Variants in RAPGEF5 observed in about 807,000 individuals in gnomAD.
RAPGEF5 encodes the protein Rap guanine nucleotide exchange factor 5.
A neutral mutation model predicts 125.2 loss-of-function variants in RAPGEF5; 65 were observed. The observed-to-expected ratio is 0.52, with a 90% CI of 0.43 to 0.64. The LOEUF is 0.64. RAPGEF5 is among the 30% of genes least tolerant of loss of function. The pLI, the probability that RAPGEF5 is intolerant of heterozygous loss-of-function variation, is 0.00. For missense variants in RAPGEF5, 958 were observed against 1,048.1 expected, an observed-to-expected ratio of 0.91 and a Z score of 1.19; for synonymous variants, 391 against 385.9, an observed-to-expected ratio of 1.01 and a Z score of -0.16.
chr7:22,288,743 C>T (rs1006536215), intron 6 of RAPGEF5, among the ~76,000 whole-genome samples: 1 of 152,088 alleles, frequency 6.6e-6, no homozygotes, highest in African/African-American at 2.4e-5. Flanking sequence ...AGGATGGTCT[C>T]AATCTTAAAA....
chr7:22,170,402 G>C (rs1212932905), intron 11 of RAPGEF5, among the ~76,000 whole-genome samples: 1 of 152,214 alleles, frequency 6.6e-6, no homozygotes, highest in Non-Finnish European at 1.5e-5. Context: ...GGCTCTTGTA[G>C]ATAGGAGCCA....
chr7:22,331,854 T>C (rs1207840351), intron 1 of RAPGEF5, among the ~76,000 whole-genome samples: 3 of 152,144 alleles, frequency 2.0e-5, no homozygotes, highest in Non-Finnish European at 2.9e-5. Flanking sequence ...GTAAGCAGGT[T>C]ACCAGTGATT....
chr7:22,209,833 A>C (rs1026107942), intron 9 of RAPGEF5, among the ~76,000 whole-genome samples: 29 of 152,210 alleles, frequency 1.9e-4, no homozygotes, highest in African/African-American at 6.8e-4. Flanking sequence ...CTGAATTAAG[A>C]AGTTCTCTAA....
chr7:22,167,900 T>C (rs77348984), intron 11 of RAPGEF5, among the ~76,000 whole-genome samples: 4,624 of 152,310 alleles, frequency 0.03, 89 homozygotes, highest in Middle Eastern at 0.068. Context: ...AAACTCTGAC[T>C]TTCAATGTAA....
At chr7:22,250,013 C>T (rs1265488439) in intron 7 of RAPGEF5, among the ~76,000 whole-genome samples, 1 of 152,178 alleles carries the variant, frequency 6.6e-6, no homozygotes, top group Non-Finnish European at 1.5e-5. Flanking sequence ...CAAGGGGGGA[C>T]TTTGATGCGG....
In RAPGEF5 at chr7:22,239,074, T is replaced by C. The variant is rs1168397555; in HGVS notation, c.797-8155A>G. On this transcript the variant is annotated intron_variant, in intron 7 of 25. Transcript: ENST00000665637. The stretch of plus-strand genomic sequence containing the variant: ...AGGAATCTGATGTTTAAAGAAGTGA[T>C]GTTTGATGAGTCAGTGAGGGATGGG... Among the ~76,000 whole-genome samples, 4 of 152,178 alleles carry C rather than the reference T, an allele frequency of 2.6e-5. No individual in the cohort carries two copies. The East Asian group carries it at 7.7e-4, about 29-fold the overall frequency.
chr7:22,355,102 T>G (rs1784397285), intron 1 of RAPGEF5, among the ~76,000 whole-genome samples: 1 of 152,122 alleles, frequency 6.6e-6, no homozygotes, highest in African/African-American at 2.4e-5. Context: ...CAAACTTCCT[T>G]CAATAAAAAC....
chr7:22,162,561 A>C lies in RAPGEF5; in HGVS notation c.1284-20T>G. 1 of 1,589,400 alleles carries C rather than the reference A, an allele frequency of 6.3e-7. No homozygotes were observed. On this transcript the variant is annotated intron_variant, in intron 12 of 25. Transcript: ENST00000665637. The stretch of plus-strand genomic sequence containing the variant: ...GAATAGGTGCAAATGGTTAAGAAAA[A>C]ATTATATTGTTGAAAATTTTAAAAT...
intron 20 of RAPGEF5, among the ~76,000 whole-genome samples, chr7:22,142,494 CTT>C (rs1783295203): frequency 6.6e-6 from 1 of 151,994 alleles, no homozygotes; most frequent in African/African-American, 2.4e-5. Flanking sequence ...ATATAGCTTT[CTT>C]TTTTAGTCAT....
At chr7:22,307,676 A>T (rs1392973553) in intron 5 of RAPGEF5, among the ~76,000 whole-genome samples, 3 of 152,168 alleles carry the variant, frequency 2.0e-5, no homozygotes, top group African/African-American at 7.2e-5. Flanking sequence ...CGCTAATATC[A>T]TAGAAGTGAA....
At chr7:22,275,875 G>T (rs1246133470) in intron 6 of RAPGEF5, among the ~76,000 whole-genome samples, 1 of 152,084 alleles carries the variant, frequency 6.6e-6, no homozygotes, top group African/African-American at 2.4e-5. Flanking sequence ...TTCCTGTCGT[G>T]GAAATCTCAT....
intron 7 of RAPGEF5, among the ~76,000 whole-genome samples, chr7:22,262,197 C>T (rs1001380397): frequency 6.6e-6 from 1 of 151,892 alleles, no homozygotes; most frequent in African/African-American, 2.4e-5. Flanking sequence ...ATAAAGAACT[C>T]TCAAAACTCA....
intron 1 of RAPGEF5, among the ~76,000 whole-genome samples, chr7:22,334,832 T>C (rs915727014): frequency 9.2e-5 from 14 of 152,322 alleles, no homozygotes; most frequent in Non-Finnish European, 1.8e-4. Context: ...GCTTTTACAT[T>C]TGTAATCTCT....
In RAPGEF5 at chr7:22,122,071, T is replaced by C. The variant is rs1782595992; in HGVS notation, c.*335A>G. 8.3e-6 allele frequency: 2 copies of C among 241,778 alleles called. No homozygotes were observed. The highest frequency in any genetic ancestry group is 8.3e-6 in the Non-Finnish European group (1 of 120,772). 15.0% of individuals were successfully genotyped at this position (241,778 alleles called of 1,614,324 possible). ...TAATGAAATATTTGGTCATTGCATG[T>C]CAAGACGTTGTCTTGTCTTGATGCT... On this transcript the variant is annotated 3_prime_UTR_variant, in exon 26 of 26. Transcript: ENST00000665637.
Position 22,219,949 on chromosome 7 carries a change from G to C in RAPGEF5, c.913C>G (p.Arg305Gly). 3.7e-6 allele frequency: 6 copies of C among 1,613,334 alleles called. No individual in the cohort carries two copies. Among genetic ancestry groups the C allele is most frequent in the Non-Finnish European group, 5.1e-6 (6 of 1,179,580 alleles). Residue 305 changes from arginine (R) to glycine (G), a missense_variant, in exon 9 of 26, where the codon CGA (arginine) becomes GGA (glycine). Physicochemically the swap from Arg to Gly is moderately radical, Grantham distance 125 (BLOSUM62 -2). Transcript: ENST00000665637. ...CKLQERDEIG[R>G]IELVQKLAKE... is the part of the protein sequence containing the mutation. ...GCCAGCTTCTGGACTAGTTCAATTC[G>C]TCCGATTTCATCTCTTTCCTGGAGC...
At chr7:22,296,538 G>A (rs1562514623) in intron 5 of RAPGEF5, among the ~76,000 whole-genome samples, 1 of 152,122 alleles carries the variant, frequency 6.6e-6, no homozygotes, top group Non-Finnish European at 1.5e-5. Context: ...TTGGTACCTG[G>A]AGCTGGGGTG....
chr7:22,351,533 T>C (rs1784329761), intron 1 of RAPGEF5, among the ~76,000 whole-genome samples: 2 of 152,342 alleles, frequency 1.3e-5, no homozygotes, highest in East Asian at 1.9e-4. Flanking sequence ...GCACACACTC[T>C]GTAACCTCGG....
At chr7:22,316,976 T>TAA (rs769310401) in intron 2 of RAPGEF5, among the ~76,000 whole-genome samples, 14 of 125,488 alleles carry the variant, frequency 1.1e-4, no homozygotes, top group African/African-American at 1.5e-4. Flanking sequence ...TAAAACTATT[T>TAA]AAAAAAAAAA....
At chr7:22,303,978 G>A (rs1228917751) in intron 5 of RAPGEF5, among the ~76,000 whole-genome samples, 1 of 152,168 alleles carries the variant, frequency 6.6e-6, no homozygotes, top group Admixed American at 6.5e-5. Context: ...GGCCAGGGGT[G>A]AAAAGAATGG....
Sources: allele counts gnomAD v4.1 joint callset (sites outside exome capture counted in the v4.1 genomes callset), GRCh38; gene constraint gnomAD v4.1.1; transcripts MANE v1.5; gene names NCBI Gene and HGNC (gene_info 2026-07-23, HGNC 2026-07-21).